ROBO2: variants seen among roughly 807,000 people sequenced by gnomAD.
The protein encoded by ROBO2 is roundabout guidance receptor 2, also known as roundabout homolog 2.
In ROBO2, 53 loss-of-function variants were observed where a neutral mutation model predicts 160.8. The ratio of observed to expected loss-of-function variants is 0.33; its 90% CI spans 0.26 to 0.41. The LOEUF (loss-of-function observed/expected upper bound fraction) is 0.41. Among genes scored for constraint, ROBO2 ranks in the 10% least tolerant of loss-of-function variants. The pLI is 1.00. For synonymous variants in ROBO2, 664 were observed against 611.7 expected (o/e 1.09, Z -1.26); for missense variants, 1,577 against 1,722.4 (o/e 0.92, Z 1.49).
intron 2 of ROBO2, among the ~76,000 whole-genome samples, chr3:76,025,965 A>C (rs2066731349): frequency 6.6e-6 from 1 of 151,886 alleles, no homozygotes; most frequent in Admixed American, 6.6e-5. Flanking sequence ...AATATTCTGG[A>C]AACTGAAATT....
intron 2 of ROBO2, among the ~76,000 whole-genome samples, chr3:77,203,119 C>T (rs182080480): frequency 1.4e-4 from 22 of 152,158 alleles, no homozygotes; most frequent in Non-Finnish European, 1.6e-4. Flanking sequence ...TTATGTCCAG[C>T]GAATCAATAA....
chr3:76,369,432 T>C (rs1006518489), intron 2 of ROBO2, among the ~76,000 whole-genome samples: 14 of 151,968 alleles, frequency 9.2e-5, no homozygotes, highest in African/African-American at 2.7e-4. Context: ...CCTTGGGTGA[T>C]GTCATCTTTG....
At chr3:76,048,627 G>A (rs1449318953) in intron 2 of ROBO2, among the ~76,000 whole-genome samples, 1 of 152,010 alleles carries the variant, frequency 6.6e-6, no homozygotes, top group East Asian at 1.9e-4. Context: ...AAAACAATAT[G>A]GAATTATACA....
At chr3:77,492,691 A>G (rs1483388558) in intron 4 of ROBO2, among the ~76,000 whole-genome samples, 2 of 152,204 alleles carry the variant, frequency 1.3e-5, no homozygotes, top group East Asian at 3.8e-4. Context: ...ACATCTTTCC[A>G]TACATGAAGT....
chr3:76,950,974 C>T (rs982486871), intron 2 of ROBO2, among the ~76,000 whole-genome samples: 2 of 152,130 alleles, frequency 1.3e-5, no homozygotes, highest in South Asian at 2.1e-4. Context: ...GCAATTCTCC[C>T]TCCTTGGCCT....
At chr3:76,696,970 G>A (rs1560396376) in intron 2 of ROBO2, among the ~76,000 whole-genome samples, 1 of 152,270 alleles carries the variant, frequency 6.6e-6, no homozygotes, top group East Asian at 1.9e-4. Flanking sequence ...GTACAACAGT[G>A]GTGCTGGACT....
intron 2 of ROBO2, among the ~76,000 whole-genome samples, chr3:76,080,834 G>T (rs955035668): frequency 1.2e-4 from 18 of 151,910 alleles, no homozygotes; most frequent in Non-Finnish European, 2.4e-4. Flanking sequence ...TTTTCTTTGC[G>T]GTACTGCAAT....
intron 2 of ROBO2, 127 bp downstream of exon 2, chr3:77,098,467 T>A: frequency 1.0e-6 from 1 of 984,050 alleles, no homozygotes; most frequent in South Asian, 1.4e-5. Flanking sequence ...TACTTGGTCT[T>A]CTTCAGAGAA....
intron 2 of ROBO2, among the ~76,000 whole-genome samples, chr3:76,278,437 C>A (rs975524354): frequency 6.6e-6 from 1 of 151,976 alleles, no homozygotes; most frequent in African/African-American, 2.4e-5. Flanking sequence ...TTTGTATAAA[C>A]CATTGTTTCT....
chr3:76,216,898 A>G (rs866835968), intron 2 of ROBO2, among the ~76,000 whole-genome samples: 4 of 152,182 alleles, frequency 2.6e-5, no homozygotes, highest in African/African-American at 9.7e-5. Flanking sequence ...AAAACTGACC[A>G]CATAGTTGGA....
At chr3:76,932,108 T>C (rs1048237892) in intron 2 of ROBO2, among the ~76,000 whole-genome samples, 2 of 152,040 alleles carry the variant, frequency 1.3e-5, no homozygotes, top group African/African-American at 4.8e-5. Context: ...TCTTAGGACT[T>C]CCAAACATAG....
chr3:77,545,111 G>A (rs550293596), intron 6 of ROBO2, among the ~76,000 whole-genome samples: 2 of 151,980 alleles, frequency 1.3e-5, no homozygotes, highest in Non-Finnish European at 2.9e-5. Flanking sequence ...TAGACTAAGT[G>A]GCTTCCTCTC....
chr3:77,449,108 G>T (rs1049760205), intron 2 of ROBO2, among the ~76,000 whole-genome samples: 1 of 151,782 alleles, frequency 6.6e-6, no homozygotes, highest in African/African-American at 2.4e-5. Flanking sequence ...TACATGAAAA[G>T]GTGTAAAAAT....
chr3:76,098,352 C>G (rs1324473459), intron 2 of ROBO2, among the ~76,000 whole-genome samples: 1 of 152,092 alleles, frequency 6.6e-6, no homozygotes, highest in Non-Finnish European at 1.5e-5. Context: ...AATGCAAAAT[C>G]TCTCTGTAAC....
chr3:77,172,726 A>G (rs910327834), intron 2 of ROBO2, among the ~76,000 whole-genome samples: 3 of 152,202 alleles, frequency 2.0e-5, no homozygotes, highest in Non-Finnish European at 4.4e-5. Flanking sequence ...GGTTGGGCTT[A>G]TAAGATTCCA....
chr3:76,220,370 G>T (rs990499483), intron 2 of ROBO2, among the ~76,000 whole-genome samples: 70 of 151,986 alleles, frequency 4.6e-4, no homozygotes, highest in Admixed American at 2.0e-3. Context: ...TCGATCCCCA[G>T]TATGACAGTA....
At chr3:76,198,040 CA>C (rs1441340617) in intron 2 of ROBO2, among the ~76,000 whole-genome samples, 5 of 152,300 alleles carry the variant, frequency 3.3e-5, no homozygotes, top group African/African-American at 1.2e-4. Context: ...GTAAGCACCC[CA>C]ACCGACTAAA....
At chr3:76,761,128 A>G (rs957705108) in intron 2 of ROBO2, among the ~76,000 whole-genome samples, 2 of 151,752 alleles carry the variant, frequency 1.3e-5, no homozygotes, top group Admixed American at 1.3e-4. Context: ...ATTACACCAG[A>G]TCACTCTTAA....
At chr3:76,984,491 G>T (rs2060265601) in intron 2 of ROBO2, among the ~76,000 whole-genome samples, 1 of 152,054 alleles carries the variant, frequency 6.6e-6, no homozygotes, top group Non-Finnish European at 1.5e-5. Flanking sequence ...CGCAACCACT[G>T]GGGTATCCAC....
Sources: gnomAD v4.1 joint callset for allele counts (sites outside exome capture counted in the v4.1 genomes callset) on GRCh38, gnomAD v4.1.1 for gene constraint, MANE v1.5 for transcripts, NCBI Gene and HGNC (gene_info 2026-07-23, HGNC 2026-07-21) for gene names.